Variants in PDE10A observed in about 807,000 individuals in gnomAD.
The protein encoded by PDE10A is cAMP and cAMP-inhibited cGMP 3',5'-cyclic phosphodiesterase 10A.
A neutral mutation model predicts 97.7 loss-of-function variants in PDE10A; 39 were observed. The ratio of observed to expected loss-of-function variants is 0.40; its 90% CI spans 0.31 to 0.52. PDE10A has a LOEUF of 0.52. Among genes scored for constraint, PDE10A ranks in the 20% least tolerant of loss-of-function variants. The probability of loss-of-function intolerance (pLI) is 0.56; values close to 1 mark genes in which losing one functional copy is unlikely to be tolerated. For synonymous variants in PDE10A, 371 were observed against 376.8 expected, an observed-to-expected ratio of 0.98 and a Z score of 0.18; for missense variants, 731 against 1,047.8, an observed-to-expected ratio of 0.70 and a Z score of 4.17.
At chr6:165,498,423 CAAAAAAAAAAAAAAAAAAAAAAAAAAAA>C (rs35069498) in intron 2 of PDE10A, among the ~76,000 whole-genome samples, 471 of 22,922 alleles carry the variant, frequency 0.021, 20 homozygotes, top group African/African-American at 0.055. Flanking sequence ...ACCCTGTCTC[CAAAAAAAAAAAAAAAAAAAAAAAAAAAA>C]AAAAAAAAAA....
At chr6:165,340,234 T>C (rs1385793910) in intron 19 of PDE10A, among the ~76,000 whole-genome samples, 2 of 152,238 alleles carry the variant, frequency 1.3e-5, no homozygotes, top group Admixed American at 6.5e-5. Flanking sequence ...GTAAAACTTG[T>C]ACAATCTTCT....
intron 2 of PDE10A, among the ~76,000 whole-genome samples, chr6:165,497,551 A>G (rs1780611456): frequency 1.3e-5 from 2 of 152,210 alleles, no homozygotes; most frequent in South Asian, 4.1e-4. Context: ...CAAGGACATA[A>G]AAGCAAAGTT....
intron 2 of PDE10A, among the ~76,000 whole-genome samples, chr6:165,489,256 T>C (rs1280038562): frequency 6.6e-6 from 1 of 152,140 alleles, no homozygotes; most frequent in Non-Finnish European, 1.5e-5. Flanking sequence ...GACCTAAAGA[T>C]GGATCACATC....
intron 5 of PDE10A, among the ~76,000 whole-genome samples, chr6:165,441,149 C>T (rs6926051): frequency 0.029 from 4,411 of 152,274 alleles, 216 homozygotes; most frequent in African/African-American, 0.098. Context: ...ACATCCTTTA[C>T]TTTCCCCTCT....
intron 1 of PDE10A, among the ~76,000 whole-genome samples, chr6:165,830,206 T>G (rs550896444): frequency 6.6e-5 from 10 of 152,328 alleles, no homozygotes; most frequent in Non-Finnish European, 1.3e-4. Flanking sequence ...GCCTTACTGC[T>G]GTATCATTTT....
intron 18 of PDE10A, among the ~76,000 whole-genome samples, chr6:165,349,562 G>A (rs1464846108): frequency 1.3e-5 from 2 of 152,170 alleles, no homozygotes; most frequent in Non-Finnish European, 2.9e-5. Context: ...ATTTTCTGGG[G>A]AGAAATTCAA....
chr6:165,793,462 C>T (rs1778712180), intron 1 of PDE10A, among the ~76,000 whole-genome samples: 1 of 152,046 alleles, frequency 6.6e-6, no homozygotes, highest in African/African-American at 2.4e-5. Context: ...GAGTCCTCTC[C>T]CTGCTGCCTG....
intron 1 of PDE10A, among the ~76,000 whole-genome samples, chr6:165,544,107 T>G (rs376791858): frequency 5.9e-5 from 9 of 152,102 alleles, no homozygotes; most frequent in African/African-American, 2.2e-4. Context: ...CTAGCAAGAG[T>G]AGTAAACAGG....
intron 1 of PDE10A, among the ~76,000 whole-genome samples, chr6:165,826,917 C>A (rs6940413): frequency 0.67 from 100,085 of 150,500 alleles, 33,431 homozygotes; most frequent in African/African-American, 0.75. Context: ...TGGGCGCAGG[C>A]GGGATGAGCC....
intron 1 of PDE10A, among the ~76,000 whole-genome samples, chr6:165,580,569 G>A (rs1785555557): frequency 6.6e-6 from 1 of 152,180 alleles, no homozygotes; most frequent in African/African-American, 2.4e-5. Flanking sequence ...GCATATATAA[G>A]GTAATGGTGA....
At chr6:165,838,905 T>A (rs1445861445) in intron 1 of PDE10A, among the ~76,000 whole-genome samples, 1 of 152,226 alleles carries the variant, frequency 6.6e-6, no homozygotes, top group Non-Finnish European at 1.5e-5. Flanking sequence ...TTTCTGGGCC[T>A]GGTTTCCAGG....
rs1479759563 is a variant in PDE10A at position 165,691,109 on chromosome 6, C to CG, written c.-614-147542_-614-147541insC. On this transcript the variant is annotated intron_variant, in intron 1 of 19. Coordinates refer to the PDE10A transcript ENST00000366882. ...TCTCTCTCTCTCTCTTTCTCTCTCC[C>CG]CCCCCCCATCAGTGCCTGTGGTCAC... 1.5e-4 allele frequency among the ~76,000 whole-genome samples: 16 copies of CG among 103,362 alleles called. 4 individuals are homozygous for CG. Among genetic ancestry groups the CG allele is most frequent in the African/African-American group, 4.7e-4 (13 of 27,706 alleles). 67.8% of individuals were successfully genotyped at this position (103,362 alleles called of 152,430 possible). A position where few individuals can be genotyped will look rare whatever the true frequency, so the allele number is the denominator to read the frequency against.
intron 1 of PDE10A, among the ~76,000 whole-genome samples, chr6:165,600,727 T>G (rs962603685): frequency 3.3e-5 from 5 of 152,170 alleles, no homozygotes; most frequent in Admixed American, 1.3e-4. Context: ...ACAGTATGTG[T>G]TGTATAACGG....
In PDE10A at chr6:165,663,193, C is replaced by T. The variant is rs952787981; in HGVS notation, c.-382G>A. Among the ~76,000 whole-genome samples, 22 of 152,054 alleles carry T rather than the reference C, an allele frequency of 1.4e-4. No homozygotes were observed. The highest frequency in any genetic ancestry group is 3.1e-4 in the Non-Finnish European group (21 of 67,950). On this transcript the variant is annotated 5_prime_UTR_variant, in exon 1 of 22. Coordinates refer to ENST00000539869, the MANE Select transcript of PDE10A (RefSeq NM_001385079.1). ...AGCAGCGGAGAAAAGCGCCGCAGTGCCGCTGCCCGTGGAGGCGGTGGTGGC... is the reference window on the plus strand; with the variant it reads ...AGCAGCGGAGAAAAGCGCCGCAGTGTCGCTGCCCGTGGAGGCGGTGGTGGC...
At chr6:165,960,896 C>G (rs1784338628) in intron 1 of PDE10A, among the ~76,000 whole-genome samples, 1 of 152,162 alleles carries the variant, frequency 6.6e-6, no homozygotes, top group East Asian at 1.9e-4. Context: ...TGCGCTGGCC[C>G]CCAGGAGTGG....
chr6:165,750,928 GGA>G (rs931571734), intron 1 of PDE10A, among the ~76,000 whole-genome samples: 1 of 152,214 alleles, frequency 6.6e-6, no homozygotes, highest in Non-Finnish European at 1.5e-5. Context: ...GTTGTTGGCA[GGA>G]GCGGGATGCT....
chr6:165,942,435 C>T (rs1783557885), intron 1 of PDE10A, among the ~76,000 whole-genome samples: 1 of 152,132 alleles, frequency 6.6e-6, no homozygotes, highest in African/African-American at 2.4e-5. Context: ...TGTGAGGCAT[C>T]ATCTTTAGTG....
chr6:165,334,201 G>A (rs965954663), intron 21 of PDE10A, among the ~76,000 whole-genome samples: 3 of 152,244 alleles, frequency 2.0e-5, no homozygotes, highest in African/African-American at 7.2e-5. Context: ...GTATACTGAA[G>A]CAGGAATGAG....
At chr6:165,336,576 C>T (rs1443864340) in intron 20 of PDE10A, among the ~76,000 whole-genome samples, 6 of 151,176 alleles carry the variant, frequency 4.0e-5, no homozygotes, top group African/African-American at 1.2e-4. Flanking sequence ...GGTGAAACCC[C>T]GTCTCTACTA....
Sources: gnomAD v4.1 joint callset for allele counts (sites outside exome capture counted in the v4.1 genomes callset) on GRCh38, gnomAD v4.1.1 for gene constraint, MANE v1.5 for transcripts, NCBI Gene and HGNC (gene_info 2026-07-23, HGNC 2026-07-21) for gene names.